The following ALOX5AP variants were observed in gnomAD, a reference collection of about 807,000 sequenced individuals.
ALOX5AP encodes arachidonate 5-lipoxygenase-activating protein.
Under a neutral mutation model 18.5 loss-of-function variants are expected in ALOX5AP, and 9 were observed. The observed-to-expected ratio is 0.49, with a 90% CI of 0.29 to 0.85. ALOX5AP has a LOEUF of 0.85. Ranked by LOEUF, ALOX5AP falls within the 40% of genes least tolerant of loss-of-function variation. The pLI, the probability that ALOX5AP is intolerant of heterozygous loss-of-function variation, is 0.08. For missense variants in ALOX5AP, 172 were observed against 202.5 expected, an observed-to-expected ratio of 0.85 and a Z score of 0.91; for synonymous variants, 81 against 78.6, an observed-to-expected ratio of 1.03 and a Z score of -0.16.
intron 2 of ALOX5AP, among the ~76,000 whole-genome samples, chr13:30,747,132 A>G (rs1247524149): frequency 6.6e-6 from 1 of 152,220 alleles, no homozygotes; most frequent in Non-Finnish European, 1.5e-5. Context: ...TGAGAGCTAA[A>G]AGGAATTGGA....
At position 30,764,083 on chromosome 13, in the gene ALOX5AP, T is replaced by A. The variant is rs1951969639; in HGVS notation, c.463T>A (p.Ser155Thr). ...NYIKTISTTI[S>T]PLLLIP ...CATAAAGACGATCTCCACCACCATC[T>A]CCCCTCTACTTCTCATTCCCTAACT... is the stretch of plus-strand genomic sequence containing the variant. Residue 155 changes from serine (S) to threonine (T), a missense_variant, in exon 5 of 5, where the codon TCC (serine) becomes ACC (threonine). By Grantham distance (58) the Ser-to-Thr change is moderately conservative (BLOSUM62 1). Transcript: ENST00000380490. 6.2e-7 allele frequency: 1 copy of A among 1,613,974 alleles called. No homozygotes were observed. Among genetic ancestry groups the A allele is most frequent in the Admixed American group, 1.7e-5 (1 of 59,988 alleles).
chr13:30,713,946 C>G, intron 1 of ALOX5AP: 1 of 1,293,736 alleles, frequency 7.7e-7, no homozygotes, highest in Admixed American at 2.3e-5. Context: ...TTTTAAGAAC[C>G]GAGGCTCCCA....
At chr13:30,731,437 G>C (rs758173713), upstream of ALOX5AP, among the ~76,000 whole-genome samples, 2 of 150,466 alleles carry the variant, frequency 1.3e-5, no homozygotes, top group African/African-American at 4.9e-5. Context: ...GCAGTGTTGC[G>C]ATCACAGCTC....
intron 1 of ALOX5AP, among the ~76,000 whole-genome samples, chr13:30,736,226 T>C (rs981255775): frequency 6.6e-6 from 1 of 152,198 alleles, no homozygotes; most frequent in East Asian, 1.9e-4. Flanking sequence ...ATACCTTCTT[T>C]TTCTCTAGCA....
intron 1 of ALOX5AP, among the ~76,000 whole-genome samples, chr13:30,715,248 A>G (rs1431506365): frequency 2.0e-5 from 3 of 152,206 alleles, no homozygotes; most frequent in Non-Finnish European, 4.4e-5. Flanking sequence ...AAGGGCAATA[A>G]TATAATACCT....
At chr13:30,720,560 A>G (rs1260881255) in intron 1 of ALOX5AP, among the ~76,000 whole-genome samples, 5 of 152,246 alleles carry the variant, frequency 3.3e-5, no homozygotes, top group African/African-American at 1.2e-4. Context: ...AATTCAATTA[A>G]AATTATCACA....
intron 1 of ALOX5AP, among the ~76,000 whole-genome samples, chr13:30,737,612 G>A (rs1473479958): frequency 6.6e-6 from 1 of 152,172 alleles, no homozygotes; most frequent in Non-Finnish European, 1.5e-5. Flanking sequence ...GGGGCTTCCT[G>A]GTTGAAGAGA....
chr13:30,756,058 G>A (rs1368485440), intron 4 of ALOX5AP, 33 bp downstream of exon 4: 1 of 1,592,620 alleles, frequency 6.3e-7, no homozygotes, highest in African/African-American at 1.3e-5. Flanking sequence ...GAACTGTGGA[G>A]CGATTCCTGA....
chr13:30,734,108 G>T (rs1023572597), upstream of ALOX5AP, among the ~76,000 whole-genome samples: 1 of 152,126 alleles, frequency 6.6e-6, no homozygotes, highest in African/African-American at 2.4e-5. Flanking sequence ...ATATATATGA[G>T]GAGACTTATT....
chr13:30,723,285 A>G (rs147338585), intron 1 of ALOX5AP, among the ~76,000 whole-genome samples: 2 of 152,248 alleles, frequency 1.3e-5, no homozygotes, highest in African/African-American at 2.4e-5. Context: ...TGTGAGGGAC[A>G]TAAGGTCTGT....
intron 1 of ALOX5AP, among the ~76,000 whole-genome samples, chr13:30,726,160 A>G (rs1951638021): frequency 6.6e-6 from 1 of 152,162 alleles, no homozygotes; most frequent in Non-Finnish European, 1.5e-5. Flanking sequence ...AGGGAATACA[A>G]TGGTGGTTCC....
intron 1 of ALOX5AP, among the ~76,000 whole-genome samples, chr13:30,722,170 A>G (rs1044594699): frequency 6.6e-6 from 1 of 152,202 alleles, no homozygotes; most frequent in Non-Finnish European, 1.5e-5. Flanking sequence ...ATAATTCCTC[A>G]TTTCACTTCT....
chr13:30,721,154 C>A (rs1278021510), intron 1 of ALOX5AP, among the ~76,000 whole-genome samples: 1 of 152,192 alleles, frequency 6.6e-6, no homozygotes, highest in Non-Finnish European at 1.5e-5. Context: ...CTTCTCTCTT[C>A]TTTATCAGGA....
chr13:30,721,416 C>T (rs1232426420), intron 1 of ALOX5AP, among the ~76,000 whole-genome samples: 6 of 152,184 alleles, frequency 3.9e-5, no homozygotes, highest in East Asian at 3.8e-4. Flanking sequence ...GTGGCCCCGA[C>T]ATTTATCTGT....
At chr13:30,744,394 G>A (rs1465871817) in intron 2 of ALOX5AP, 4 of 450,020 alleles carry the variant, frequency 8.9e-6, no homozygotes, top group Non-Finnish European at 1.6e-5. Context: ...GGTGGAGGGA[G>A]GTGTGATCTC....
At chr13:30,725,009 C>A (rs897559554) in intron 1 of ALOX5AP, among the ~76,000 whole-genome samples, 1 of 152,172 alleles carries the variant, frequency 6.6e-6, no homozygotes, top group African/African-American at 2.4e-5. Context: ...TGGTACTACC[C>A]AAAGTGGCTA....
At chr13:30,732,820 T>G (rs1593431963), upstream of ALOX5AP, among the ~76,000 whole-genome samples, 1 of 147,494 alleles carries the variant, frequency 6.8e-6, no homozygotes. Flanking sequence ...GAGACAGAGG[T>G]AGAGAGAAGG....
upstream of ALOX5AP, among the ~76,000 whole-genome samples, chr13:30,733,295 C>T (rs777714785): frequency 1.2e-4 from 18 of 152,218 alleles, no homozygotes; most frequent in East Asian, 3.9e-4. Context: ...AATAAATTCT[C>T]CTTTTTGCTT....
At chr13:30,722,745 G>A (rs1235195043) in intron 1 of ALOX5AP, among the ~76,000 whole-genome samples, 1 of 152,206 alleles carries the variant, frequency 6.6e-6, no homozygotes, top group African/African-American at 2.4e-5. Context: ...AGTGATAAAT[G>A]GCTTGGTGCC....
Sources: gnomAD v4.1 joint callset for allele counts (sites outside exome capture counted in the v4.1 genomes callset) on GRCh38, gnomAD v4.1.1 for gene constraint, MANE v1.5 for transcripts, NCBI Gene and HGNC (gene_info 2026-07-23, HGNC 2026-07-21) for gene names.